TLCD4: variants seen among roughly 807,000 people sequenced by gnomAD.
The protein encoded by TLCD4 is TLC domain containing 4, also known as TLC domain-containing protein 4.
Under a neutral mutation model 24.2 loss-of-function variants are expected in TLCD4, and 7 were observed. The observed-to-expected ratio is 0.29, with a 90% confidence interval of 0.16 to 0.54. TLCD4 has a LOEUF of 0.54. Ranked by LOEUF, TLCD4 falls within the 20% of genes least tolerant of loss-of-function variation. The pLI is 0.95. For synonymous variants in TLCD4, 103 were observed against 106.4 expected (o/e 0.97, Z 0.20); for missense variants, 259 against 313.9 (o/e 0.82, Z 1.32).
At chr1:95,096,171 T>C in the TLCD4 span, among the ~76,000 whole-genome samples, 4 of 152,232 alleles carry the variant, frequency 2.6e-5, no homozygotes, top group Admixed American at 2.0e-4. Context: ...GCCATTCAAA[T>C]TTTAAGTAGA....
At chr1:95,166,768 C>T (rs1443699940) in intron 5 of TLCD4, among the ~76,000 whole-genome samples, 7 of 152,128 alleles carry the variant, frequency 4.6e-5, no homozygotes, top group African/African-American at 1.7e-4. Flanking sequence ...CTCACTCTGT[C>T]ACCCACGCTG....
intron 6 of TLCD4, among the ~76,000 whole-genome samples, chr1:95,185,121 G>A (rs573171152): frequency 2.6e-5 from 4 of 151,592 alleles, no homozygotes; most frequent in South Asian, 2.1e-4. Context: ...CAGTCATATC[G>A]TCTTGGGTTT....
At chr1:95,113,925 C>T (rs1676384445), upstream of TLCD4, among the ~76,000 whole-genome samples, 1 of 151,832 alleles carries the variant, frequency 6.6e-6, no homozygotes, top group Non-Finnish European at 1.5e-5. Flanking sequence ...ACTCCTGTAC[C>T]CCAGCATGGG....
chr1:95,123,540 A>G (rs1365110344), intron 1 of TLCD4, among the ~76,000 whole-genome samples: 4 of 152,194 alleles, frequency 2.6e-5, no homozygotes, highest in Non-Finnish European at 5.9e-5. Context: ...AAAATTATAA[A>G]TGATCAATAT....
the TLCD4 span, among the ~76,000 whole-genome samples, chr1:95,095,692 G>C: frequency 3.3e-5 from 5 of 151,964 alleles, no homozygotes; most frequent in Non-Finnish European, 1.5e-5. Flanking sequence ...CCACCGCGCC[G>C]GCACCTCTTT....
At chr1:95,162,877 A>G (rs1677867837) in intron 5 of TLCD4, among the ~76,000 whole-genome samples, 1 of 152,186 alleles carries the variant, frequency 6.6e-6, no homozygotes. Flanking sequence ...ATCCGCTGTT[A>G]GTCTGTTGGG....
chr1:95,156,595 G>A (rs1385371926), intron 5 of TLCD4, among the ~76,000 whole-genome samples: 1 of 152,170 alleles, frequency 6.6e-6, no homozygotes, highest in Non-Finnish European at 1.5e-5. Flanking sequence ...ATATCTTTTA[G>A]GAGGTGCTTG....
At chr1:95,171,708 A>G (rs1028680309) in intron 5 of TLCD4, among the ~76,000 whole-genome samples, 4 of 152,216 alleles carry the variant, frequency 2.6e-5, no homozygotes, top group African/African-American at 9.6e-5. Flanking sequence ...AGGGAAAGAC[A>G]CATAAAATTT....
chr1:95,143,242 T>C (rs896472671), intron 1 of TLCD4, among the ~76,000 whole-genome samples: 1 of 152,138 alleles, frequency 6.6e-6, no homozygotes, highest in Non-Finnish European at 1.5e-5. Flanking sequence ...CTTTTCTGTT[T>C]GATTTAGTTC....
chr1:95,135,970 C>T lies in TLCD4; in HGVS notation c.-11-7921C>T, dbSNP rs565731473. ...CTCTTGGGCTCAGGTGATCCGCTGG[C>T]CTTGACCTCCCAAAGTGCTGGGATT... On this transcript the variant is annotated intron_variant, in intron 1 of 6. Transcript: ENST00000370203. 3.3e-5 allele frequency among the ~76,000 whole-genome samples: 5 copies of T among 152,146 alleles called. No individual in the cohort carries two copies. The South Asian group carries it at 8.3e-4, about 25-fold the overall frequency.
chr1:95,131,955 G>A (rs917319648), intron 1 of TLCD4, among the ~76,000 whole-genome samples: 1 of 152,206 alleles, frequency 6.6e-6, no homozygotes, highest in African/African-American at 2.4e-5. Context: ...TCTGGCAAGA[G>A]TGGATTAGTT....
chr1:95,096,153 AC>A, the TLCD4 span, among the ~76,000 whole-genome samples: 1 of 152,252 alleles, frequency 6.6e-6, no homozygotes, highest in Non-Finnish European at 1.5e-5. Flanking sequence ...GTTATTCTCT[AC>A]CAATTAGCCA....
chr1:95,165,104 C>A (rs186694048), intron 5 of TLCD4: 1 of 152,384 alleles, frequency 6.6e-6, no homozygotes, highest in Admixed American at 6.5e-5. Flanking sequence ...CCCTGTCATT[C>A]CAATCTTGGG....
intron 1 of TLCD4, among the ~76,000 whole-genome samples, chr1:95,143,328 C>T (rs1677256598): frequency 1.3e-5 from 2 of 152,248 alleles, no homozygotes; most frequent in Middle Eastern, 3.4e-3. Context: ...TGCAATGGCT[C>T]TTTGCTAAGA....
chr1:95,122,010 TG>T (rs1369361149), intron 1 of TLCD4, among the ~76,000 whole-genome samples: 1 of 152,216 alleles, frequency 6.6e-6, no homozygotes, highest in African/African-American at 2.4e-5. Context: ...TTCCTTTTCA[TG>T]ACTATCAACA....
intron 1 of TLCD4, chr1:95,138,476 G>C (rs1221933790): frequency 6.6e-6 from 1 of 152,178 alleles, no homozygotes; most frequent in Admixed American, 6.5e-5. Flanking sequence ...TCTAAGAAAT[G>C]TGTCCTTAAC....
chr1:95,108,922 A>C, the TLCD4 span, among the ~76,000 whole-genome samples: 1 of 152,196 alleles, frequency 6.6e-6, no homozygotes, highest in East Asian at 1.9e-4. Flanking sequence ...TGATCTTTTA[A>C]AAATTGTTCT....
Position 95,136,919 on chromosome 1 carries a change from A to G in TLCD4, c.-11-6972A>G, listed in dbSNP as rs1341359373. On this transcript the variant is annotated intron_variant, in intron 1 of 6. Coordinates refer to ENST00000370203, the MANE Select transcript of TLCD4 (RefSeq NM_152487.3). ...GAAGGGCTGGTTGGGGTTAAGTTCA[A>G]CTTGGGCGAAGTAGAACCTGTGGGG... Among the ~76,000 whole-genome samples the G allele has an allele frequency of 2.0e-5, 3 of 152,208 alleles. No individual in the cohort carries two copies. In the East Asian group the frequency reaches 5.8e-4, roughly 29 times the overall value.
Position 95,147,076 on chromosome 1 carries a change from A to ATTTT in TLCD4, c.156-1614_156-1611dup, listed in dbSNP as rs573911821. On this transcript the variant is annotated intron_variant, in intron 2 of 6. Transcript: ENST00000370203. ...ATTTTATTTTATATCAAGGAATTTAATTTTTTTTTTTTTTTGAGACAGAGT... is the reference window on the plus strand; with the variant it reads ...ATTTTATTTTATATCAAGGAATTTAATTTTTTTTTTTTTTTTTTTGAGACAGAGT... Among the ~76,000 whole-genome samples the ATTTT allele has an allele frequency of 2.9e-3, 423 of 144,430 alleles. 1 individual carries two copies. Among genetic ancestry groups the ATTTT allele is most frequent in the Non-Finnish European group, 5.3e-3 (348 of 65,554 alleles). The allele number at this position is 144,430 out of a possible 152,430, so 94.8% of individuals were successfully genotyped here. A position where few individuals can be genotyped will look rare whatever the true frequency, so the allele number is the denominator to read the frequency against.
Sources: allele counts gnomAD v4.1 joint callset (sites outside exome capture counted in the v4.1 genomes callset), GRCh38; gene constraint gnomAD v4.1.1; transcripts MANE v1.5; gene names NCBI Gene and HGNC (gene_info 2026-07-23, HGNC 2026-07-21).